SORBS2: variants seen among roughly 807,000 people sequenced by gnomAD.
The protein encoded by SORBS2 is sorbin and SH3 domain containing 2.
In SORBS2, 46 loss-of-function variants were observed where a neutral mutation model predicts 97.7. The ratio of observed to expected loss-of-function variants is 0.47; its 90% CI spans 0.37 to 0.60. SORBS2 has a LOEUF of 0.60. SORBS2 is among the 20% of genes least tolerant of loss of function. SORBS2 has a pLI of 0.00. For missense variants in SORBS2, 1,316 were observed against 1,282.3 expected (o/e 1.03, Z -0.40); for synonymous variants, 476 against 473.4 (o/e 1.01, Z -0.07).
rs547842175 is a variant in SORBS2 at position 185,707,142 on chromosome 4, T to C, written c.-197-28320A>G. On this transcript the variant is annotated intron_variant, in intron 2 of 20. Transcript: ENST00000284776. ...ATATGTGTTACATATATATTACATA[T>C]TACACATATATTAATTGACCTGAGG... Among the ~76,000 whole-genome samples the C allele has an allele frequency of 5.9e-5, 9 of 152,306 alleles. No homozygotes were observed. In the South Asian group the frequency reaches 1.7e-3, roughly 28 times the overall value.
At chr4:185,704,648 A>G (rs974378386) in intron 2 of SORBS2, among the ~76,000 whole-genome samples, 1 of 151,508 alleles carries the variant, frequency 6.6e-6, no homozygotes, top group Non-Finnish European at 1.5e-5. Flanking sequence ...TCATTAATCA[A>G]AAAGTTTGAG....
intron 1 of SORBS2, among the ~76,000 whole-genome samples, chr4:185,898,213 A>G (rs1298293871): frequency 6.6e-6 from 1 of 152,254 alleles, no homozygotes; most frequent in Non-Finnish European, 1.5e-5. Context: ...TGAAAGGGCA[A>G]GATTGTGTGA....
At chr4:185,803,510 G>C (rs2099140268) in intron 1 of SORBS2, among the ~76,000 whole-genome samples, 1 of 152,034 alleles carries the variant, frequency 6.6e-6, no homozygotes. Flanking sequence ...ACAGGAAGGT[G>C]GTTTTTCAAA....
At chr4:185,741,403 T>TG (rs1310528351) in intron 2 of SORBS2, among the ~76,000 whole-genome samples, 2 of 112,388 alleles carry the variant, frequency 1.8e-5, no homozygotes, top group Non-Finnish European at 3.7e-5. Context: ...CTTTTTTTTT[T>TG]GTTTTTTTTT....
At chr4:185,761,066 A>G (rs535631885) in intron 2 of SORBS2, among the ~76,000 whole-genome samples, 4 of 152,344 alleles carry the variant, frequency 2.6e-5, no homozygotes, top group Non-Finnish European at 5.9e-5. Context: ...AAAATTATGT[A>G]CTTCTTTGAA....
At chr4:185,861,924 T>C (rs368058558) in intron 1 of SORBS2, among the ~76,000 whole-genome samples, 9 of 152,140 alleles carry the variant, frequency 5.9e-5, no homozygotes, top group African/African-American at 1.7e-4. Flanking sequence ...GACAACACTT[T>C]GCCTGCTGTG....
intron 4 of SORBS2, among the ~76,000 whole-genome samples, chr4:185,632,398 AG>A (rs1157403821): frequency 6.6e-6 from 1 of 152,178 alleles, no homozygotes; most frequent in Non-Finnish European, 1.5e-5. Context: ...TCAGGAGAAA[AG>A]TTTGGTTTGC....
intron 1 of SORBS2, among the ~76,000 whole-genome samples, chr4:185,916,268 G>A (rs1187073004): frequency 6.6e-6 from 1 of 152,112 alleles, no homozygotes; most frequent in Non-Finnish European, 1.5e-5. Flanking sequence ...GAAAACCAGG[G>A]GCCTCAGATG....
At chr4:185,803,863 A>T (rs1030581443) in intron 1 of SORBS2, among the ~76,000 whole-genome samples, 1 of 152,320 alleles carries the variant, frequency 6.6e-6, no homozygotes, top group East Asian at 1.9e-4. Context: ...CTGCCCTAAG[A>T]CAGCCCTTCT....
At chr4:185,806,152 A>G (rs181577801) in intron 1 of SORBS2, among the ~76,000 whole-genome samples, 229 of 152,342 alleles carry the variant, frequency 1.5e-3, no homozygotes, top group African/African-American at 5.1e-3. Flanking sequence ...TTAATGAAGC[A>G]CATTTCCACC....
At chr4:185,725,450 A>G (rs923963131) in intron 2 of SORBS2, among the ~76,000 whole-genome samples, 1 of 152,190 alleles carries the variant, frequency 6.6e-6, no homozygotes, top group African/African-American at 2.4e-5. Context: ...TAGCATCCCA[A>G]TATAGATTCT....
intron 9 of SORBS2, 179 bp from the exon 22 acceptor site, chr4:185,615,338 C>A: frequency 1.7e-6 from 1 of 587,018 alleles, no homozygotes; most frequent in Admixed American, 3.0e-5. Context: ...GCACTTAAAA[C>A]ATTATAACTT....
At chr4:185,632,147 A>G (rs150954314) in intron 4 of SORBS2, among the ~76,000 whole-genome samples, 1 of 152,356 alleles carries the variant, frequency 6.6e-6, no homozygotes, top group Non-Finnish European at 1.5e-5. Context: ...TTAAAACAAT[A>G]CAATTTTGCA....
intron 1 of SORBS2, among the ~76,000 whole-genome samples, chr4:185,781,078 C>T (rs1336036837): frequency 6.6e-6 from 1 of 152,154 alleles, no homozygotes; most frequent in Non-Finnish European, 1.5e-5. Flanking sequence ...ACTGGGATTA[C>T]AGACATGCGC....
chr4:185,718,669 G>T (rs1469120092), intron 2 of SORBS2, among the ~76,000 whole-genome samples: 2 of 152,198 alleles, frequency 1.3e-5, no homozygotes, highest in Non-Finnish European at 2.9e-5. Context: ...GTCTGAGGTT[G>T]TTCTGAATGT....
intron 12 of SORBS2, among the ~76,000 whole-genome samples, chr4:185,602,051 G>GC (rs1325625439): frequency 1.3e-5 from 2 of 152,036 alleles, no homozygotes; most frequent in Admixed American, 6.5e-5. Flanking sequence ...TCGCTCTGTT[G>GC]CCAGGCTGGA....
intron 1 of SORBS2, among the ~76,000 whole-genome samples, chr4:185,654,835 A>C (rs2097370462): frequency 6.6e-6 from 1 of 152,154 alleles, no homozygotes; most frequent in Non-Finnish European, 1.5e-5. Flanking sequence ...GACTAAATAG[A>C]CCTGAATTTT....
At chr4:185,806,424 G>T (rs2099153792) in intron 1 of SORBS2, among the ~76,000 whole-genome samples, 1 of 148,030 alleles carries the variant, frequency 6.8e-6, no homozygotes. Context: ...CACAGCTCTT[G>T]GCTAGAATCC....
At chr4:185,648,863 A>G (rs1032454985) in intron 3 of SORBS2, among the ~76,000 whole-genome samples, 1 of 152,206 alleles carries the variant, frequency 6.6e-6, no homozygotes, top group Non-Finnish European at 1.5e-5. Context: ...TTGGCTTGTA[A>G]TGAGCGCTCA....
Sources: gnomAD v4.1 joint callset for allele counts (sites outside exome capture counted in the v4.1 genomes callset) on GRCh38, gnomAD v4.1.1 for gene constraint, MANE v1.5 for transcripts, NCBI Gene and HGNC (gene_info 2026-07-23, HGNC 2026-07-21) for gene names.